FAT3: variants seen among roughly 807,000 people sequenced by gnomAD.
FAT3 encodes the protein protocadherin Fat 3.
In FAT3, 95 loss-of-function variants were observed where a neutral mutation model predicts 310.2. The ratio of observed to expected loss-of-function variants is 0.31; its 90% confidence interval spans 0.26 to 0.36. FAT3 has a LOEUF of 0.36. Ranked by LOEUF, FAT3 falls within the 10% of genes least tolerant of loss-of-function variation. The pLI, the probability that FAT3 is intolerant of heterozygous loss-of-function variation, is 1.00. For missense variants in FAT3, 5,408 were observed against 5,715.6 expected (o/e 0.95, Z 1.74); for synonymous variants, 2,314 against 2,192.9 (o/e 1.06, Z -1.54).
chr11:92,707,978 G>A (rs1183330700), intron 4 of FAT3, among the ~76,000 whole-genome samples: 1 of 152,202 alleles, frequency 6.6e-6, no homozygotes, highest in Admixed American at 6.5e-5. Flanking sequence ...AGACAGCTTT[G>A]TTCAAATGAG....
At chr11:92,655,863 T>G (rs958298347) in intron 3 of FAT3, among the ~76,000 whole-genome samples, 15 of 152,218 alleles carry the variant, frequency 9.9e-5, no homozygotes, top group Non-Finnish European at 1.5e-4. Flanking sequence ...GATCTATGTC[T>G]GATTAGCTTT....
chr11:92,546,703 A>G (rs1237856803), intron 3 of FAT3, among the ~76,000 whole-genome samples: 2 of 152,160 alleles, frequency 1.3e-5, no homozygotes, highest in African/African-American at 2.4e-5. Flanking sequence ...GTTTGGATTC[A>G]TTATTTTTCA....
At chr11:92,674,009 T>C (rs1591593674) in intron 3 of FAT3, among the ~76,000 whole-genome samples, 1 of 151,746 alleles carries the variant, frequency 6.6e-6, no homozygotes, top group Non-Finnish European at 1.5e-5. Flanking sequence ...GGTGAAACCA[T>C]GTTTCTACTA....
At position 92,234,918 on chromosome 11, in the gene FAT3, A is replaced by G. The variant is rs545307503; in HGVS notation, c.-18+9744A>G. ...ACTCCGTCTCAAAAAAAAAAAAAAA[A>G]AAATTAGCTGGGCGTGGTGGCACAT... On this transcript the variant is annotated intron_variant, in intron 1 of 27. Transcript: ENST00000525166. Among the ~76,000 whole-genome samples, 11 of 151,776 alleles carry G rather than the reference A, an allele frequency of 7.2e-5. No homozygotes were observed. The South Asian group carries it at 2.3e-3, about 32-fold the overall frequency.
intron 2 of FAT3, among the ~76,000 whole-genome samples, chr11:92,380,396 A>G (rs1949465074): frequency 6.6e-6 from 1 of 151,984 alleles, no homozygotes; most frequent in African/African-American, 2.4e-5. Context: ...AGACAACAAG[A>G]CTTGGCTGTC....
chr11:92,503,624 CCTCT>C (rs1225095565), intron 2 of FAT3, among the ~76,000 whole-genome samples: 1 of 152,108 alleles, frequency 6.6e-6, no homozygotes, highest in African/African-American at 2.4e-5. Context: ...AATCTCTCAA[CCTCT>C]CTCTTTCTTT....
chr11:92,289,883 C>T (rs1946649662), intron 1 of FAT3, among the ~76,000 whole-genome samples: 1 of 152,120 alleles, frequency 6.6e-6, no homozygotes, highest in African/African-American at 2.4e-5. Flanking sequence ...CCCTTCTCTG[C>T]TCAAAACACT....
At chr11:92,437,920 C>T (rs975184523) in intron 2 of FAT3, among the ~76,000 whole-genome samples, 1 of 129,264 alleles carries the variant, frequency 7.7e-6, no homozygotes, top group Non-Finnish European at 1.6e-5. Context: ...GTGACAGAGA[C>T]AGAGACAGTT....
intron 2 of FAT3, among the ~76,000 whole-genome samples, chr11:92,410,954 G>A (rs922373192): frequency 6.6e-6 from 1 of 150,496 alleles, no homozygotes; most frequent in Admixed American, 6.7e-5. Flanking sequence ...TGAACATTAG[G>A]TACTGTTGGT....
intron 13 of FAT3, among the ~76,000 whole-genome samples, chr11:92,810,662 G>A (rs1216794088): frequency 1.3e-5 from 2 of 152,182 alleles, no homozygotes; most frequent in African/African-American, 4.8e-5. Context: ...GGGTGGGGGA[G>A]ATAAGGAATT....
chr11:92,768,713 A>G (rs890778419), intron 6 of FAT3, among the ~76,000 whole-genome samples: 4 of 152,192 alleles, frequency 2.6e-5, no homozygotes, highest in African/African-American at 4.8e-5. Context: ...CTTAAGAAAC[A>G]TAGCAGTGAA....
At chr11:92,606,202 C>T (rs947422663) in intron 3 of FAT3, among the ~76,000 whole-genome samples, 6 of 152,190 alleles carry the variant, frequency 3.9e-5, no homozygotes, top group African/African-American at 7.2e-5. Context: ...TTTTCTGTTA[C>T]GGCAGTGTTT....
chr11:92,763,597 A>C (rs923155242), intron 5 of FAT3, among the ~76,000 whole-genome samples: 3 of 152,112 alleles, frequency 2.0e-5, no homozygotes. Flanking sequence ...CCTCCAGTCT[A>C]GCAGCCCACA....
At chr11:92,492,249 A>G (rs1191790378) in intron 2 of FAT3, among the ~76,000 whole-genome samples, 2 of 128,254 alleles carry the variant, frequency 1.6e-5, no homozygotes, top group African/African-American at 9.0e-5. Flanking sequence ...ATTTCCATCC[A>G]TCCATCCATC....
At chr11:92,778,280 A>G (rs984417388) in intron 7 of FAT3, among the ~76,000 whole-genome samples, 1 of 152,098 alleles carries the variant, frequency 6.6e-6, no homozygotes, top group Non-Finnish European at 1.5e-5. Flanking sequence ...AGTGCTTGCC[A>G]TGTCCCAAGA....
intron 2 of FAT3, among the ~76,000 whole-genome samples, chr11:92,482,381 T>C (rs1317696060): frequency 6.6e-6 from 1 of 152,308 alleles, no homozygotes; most frequent in Admixed American, 6.5e-5. Flanking sequence ...GCTGAGCACA[T>C]GCAGTGCTCA....
In FAT3 at chr11:92,521,402, A is replaced by T. The variant is rs573619344; in HGVS notation, c.3293-3232A>T. ...GAAAAAACATCTGGCATGACAATTC[A>T]TCCCCAACTTCTTACCTTTCAAGAT... On this transcript the variant is annotated intron_variant, in intron 2 of 27. Coordinates refer to ENST00000525166, the MANE Select transcript of FAT3 (RefSeq NM_001367949.2). Among the ~76,000 whole-genome samples, 20 of 152,312 alleles carry T rather than the reference A, an allele frequency of 1.3e-4. No homozygotes were observed. In the South Asian group the frequency reaches 3.9e-3, roughly 30 times the overall value.
intron 5 of FAT3, 30 bp from the exon 6 acceptor site, chr11:92,764,849 C>T (rs1946262193): frequency 1.3e-6 from 2 of 1,599,600 alleles, no homozygotes; most frequent in South Asian, 2.2e-5. Context: ...AGGTCTGAGA[C>T]ATCTTTCTCT....
At chr11:92,612,941 T>G (rs887627109) in intron 3 of FAT3, among the ~76,000 whole-genome samples, 3 of 152,210 alleles carry the variant, frequency 2.0e-5, no homozygotes, top group Non-Finnish European at 4.4e-5. Context: ...TAATTCAGTA[T>G]GCATGTGTGC....
Sources: allele counts gnomAD v4.1 joint callset (sites outside exome capture counted in the v4.1 genomes callset), GRCh38; gene constraint gnomAD v4.1.1; transcripts MANE v1.5; gene names NCBI Gene and HGNC (gene_info 2026-07-23, HGNC 2026-07-21).